The following PCDHA4 variants were observed in gnomAD, a reference collection of about 807,000 sequenced individuals.
PCDHA4 encodes the protein protocadherin alpha-4.
PCDHA4 carries 49 observed loss-of-function variants against 61.4 expected under a neutral mutation model. That is an observed-to-expected ratio of 0.80 (90% CI 0.63 to 1.01). The LOEUF (loss-of-function observed/expected upper bound fraction) is 1.01. Among genes scored for constraint, PCDHA4 ranks in the 50% least tolerant of loss-of-function variants. PCDHA4 has a pLI of 0.00. For synonymous variants in PCDHA4, 590 were observed against 550.3 expected (o/e 1.07, Z -1.01); for missense variants, 1,254 against 1,235.8 (o/e 1.01, Z -0.22).
chr5:140,830,644 T>G, intron 1 of PCDHA4: 1 of 475,478 alleles, frequency 2.1e-6, no homozygotes, highest in Non-Finnish European at 3.4e-6. Context: ...TCTTTGCTTC[T>G]TTAATATTCA....
rs141068049 is a variant in PCDHA4, at chr5:140,842,535, A to C, written c.2385+32963A>C. 7.4e-6 allele frequency: 12 copies of C among 1,612,482 alleles called. 1 individual carries two copies. The highest frequency in any genetic ancestry group is 1.0e-5 in the Non-Finnish European group (12 of 1,178,836). On this transcript the variant is annotated intron_variant, in intron 1 of 3. Coordinates refer to ENST00000530339, the MANE Select transcript of PCDHA4 (RefSeq NM_018907.4). ...CTGGTGTCCACCTTCAAGAATTACT[A>C]CTCGTTGGTGCTGGACAGCGCCCTG... is the stretch of plus-strand genomic sequence containing the variant.
At chr5:140,995,510 G>A (rs1554254709) in intron 3 of PCDHA4, among the ~76,000 whole-genome samples, 1 of 152,142 alleles carries the variant, frequency 6.6e-6, no homozygotes, top group African/African-American at 2.4e-5. Flanking sequence ...GTGGGTAACT[G>A]AAGCCTCAGA....
chr5:140,863,012 G>A, intron 1 of PCDHA4: 1 of 552,296 alleles, frequency 1.8e-6, no homozygotes, highest in South Asian at 1.4e-5. Context: ...CAGCTATGAC[G>A]CCTGGTTGTC....
At chr5:140,993,225 T>C (rs1036685362) in intron 3 of PCDHA4, among the ~76,000 whole-genome samples, 2 of 152,206 alleles carry the variant, frequency 1.3e-5, no homozygotes, top group Admixed American at 6.5e-5. Context: ...TTTTGGTATG[T>C]TCTCTCTGAA....
At position 140,836,060 on chromosome 5, in the gene PCDHA4, C is replaced by A; in HGVS notation, c.2385+26488C>A. ...TGCAGGTGTTCGTGCTGGACGAGAA[C>A]GACAACGCGCCGGCACTGCTGGCGC... is the stretch of plus-strand genomic sequence containing the variant. On this transcript the variant is annotated intron_variant, in intron 1 of 3. Coordinates refer to ENST00000530339, the MANE Select transcript of PCDHA4 (RefSeq NM_018907.4). 8.1e-6 allele frequency: 13 copies of A among 1,613,098 alleles called. No individual in the cohort carries two copies. The highest frequency in any genetic ancestry group is 1.1e-5 in the Non-Finnish European group (13 of 1,179,748).
At chr5:140,972,660 A>ATTTTTTTT (rs11350929) in intron 1 of PCDHA4, among the ~76,000 whole-genome samples, 1 of 117,268 alleles carries the variant, frequency 8.5e-6, no homozygotes, top group Non-Finnish European at 1.7e-5. Context: ...AAGAAACCAA[A>ATTTTTTTT]TTTTTTTTTT....
rs199520871 is a variant in PCDHA4 at position 140,848,784 on chromosome 5, G to C, written c.2385+39212G>C. 5.5e-5 allele frequency: 88 copies of C among 1,593,310 alleles called. 12 individuals are homozygous for C. Among genetic ancestry groups the C allele is most frequent in the Non-Finnish European group, 6.9e-5 (80 of 1,164,078 alleles). On this transcript the variant is annotated intron_variant, in intron 1 of 3. Coordinates refer to ENST00000530339, the MANE Select transcript of PCDHA4 (RefSeq NM_018907.4). ...TCGGATCGACCGCGAGGAGCTGTGC[G>C]GGCGGAGCGCGGAGTGCAGCATCCA...
intron 1 of PCDHA4, chr5:140,968,545 G>C: frequency 6.2e-7 from 1 of 1,614,182 alleles, no homozygotes; most frequent in Non-Finnish European, 8.5e-7. Flanking sequence ...CCTTCGAGAT[G>C]GTGCCTCGAA....
chr5:140,973,863 T>C (rs868937124), intron 1 of PCDHA4, among the ~76,000 whole-genome samples: 1 of 152,224 alleles, frequency 6.6e-6, no homozygotes. Context: ...TTGCTCTCAA[T>C]GAGAGGTCAG....
chr5:140,815,145 C>A (rs1765664554), intron 1 of PCDHA4: 1 of 152,056 alleles, frequency 6.6e-6, no homozygotes, highest in South Asian at 2.1e-4. Flanking sequence ...AATTCAACCA[C>A]TTTGTATCTT....
chr5:140,822,234 A>C, intron 1 of PCDHA4: 1 of 1,614,268 alleles, frequency 6.2e-7, no homozygotes. Context: ...GGTTTCCGCT[A>C]GAGGGCGCGT....
At chr5:140,941,505 C>T (rs536733497) in intron 1 of PCDHA4, among the ~76,000 whole-genome samples, 11 of 151,390 alleles carry the variant, frequency 7.3e-5, no homozygotes, top group East Asian at 1.9e-4. Flanking sequence ...TTAGTAGAGA[C>T]GAGGTTTCAC....
At chr5:140,829,044 T>C in intron 1 of PCDHA4, 1 of 1,613,140 alleles carries the variant, frequency 6.2e-7, no homozygotes. Context: ...TTATACAAAA[T>C]CCTCATTGAC....
At chr5:140,969,260 C>G (rs782595245) in intron 1 of PCDHA4, 1 of 1,614,228 alleles carries the variant, frequency 6.2e-7, no homozygotes, top group South Asian at 1.1e-5. Context: ...CAGCAGGAAT[C>G]TCACAGGCCA....
chr5:140,955,726 C>T (rs934215613), intron 1 of PCDHA4, among the ~76,000 whole-genome samples: 1 of 152,264 alleles, frequency 6.6e-6, no homozygotes, highest in East Asian at 1.9e-4. Context: ...ACCATTGAAT[C>T]TATAAATTAC....
intron 1 of PCDHA4, among the ~76,000 whole-genome samples, chr5:140,855,406 C>T (rs2043455181): frequency 6.7e-6 from 1 of 149,796 alleles, no homozygotes; most frequent in Non-Finnish European, 1.5e-5. Context: ...GATGTTGAAG[C>T]TAATGATCTC....
intron 1 of PCDHA4, among the ~76,000 whole-genome samples, chr5:140,953,061 G>A (rs919542084): frequency 2.0e-5 from 3 of 152,064 alleles, no homozygotes; most frequent in African/African-American, 7.2e-5. Flanking sequence ...CCTCTCACAG[G>A]CCCCATCTCC....
chr5:140,923,459 G>T (rs549692824), intron 1 of PCDHA4, among the ~76,000 whole-genome samples: 6 of 152,192 alleles, frequency 3.9e-5, no homozygotes, highest in Admixed American at 3.9e-4. Flanking sequence ...GCCCAGAGAG[G>T]TAGGGGCTGC....
intron 1 of PCDHA4, chr5:140,869,887 C>T (rs782219538): frequency 3.7e-6 from 6 of 1,610,056 alleles, no homozygotes; most frequent in Non-Finnish European, 3.4e-6. Flanking sequence ...AACTCTTGTG[C>T]TCAAACTAAA....
Sources: gnomAD v4.1 joint callset for allele counts (sites outside exome capture counted in the v4.1 genomes callset) on GRCh38, gnomAD v4.1.1 for gene constraint, MANE v1.5 for transcripts, NCBI Gene and HGNC (gene_info 2026-07-23, HGNC 2026-07-21) for gene names.